PTPRN2: variants seen among roughly 807,000 people sequenced by gnomAD.
PTPRN2 encodes receptor-type tyrosine-protein phosphatase N2.
PTPRN2 carries 74 observed loss-of-function variants against 118.8 expected under a neutral mutation model. The observed-to-expected ratio is 0.62, with a 90% CI of 0.52 to 0.76. The LOEUF (loss-of-function observed/expected upper bound fraction) is 0.76. Among genes scored for constraint, PTPRN2 ranks in the 30% least tolerant of loss-of-function variants. The probability of loss-of-function intolerance (pLI) is 0.00; values close to 1 mark genes in which losing one functional copy is unlikely to be tolerated. For synonymous variants in PTPRN2, 641 were observed against 608.0 expected, an observed-to-expected ratio of 1.05 and a Z score of -0.80; for missense variants, 1,481 against 1,394.4, an observed-to-expected ratio of 1.06 and a Z score of -0.99.
chr7:158,310,735 G>A (rs574186664), intron 3 of PTPRN2, among the ~76,000 whole-genome samples: 13 of 147,990 alleles, frequency 8.8e-5, no homozygotes, highest in East Asian at 2.0e-4. Context: ...CAAGTCCCAC[G>A]GAGGGCAAGC....
At chr7:158,324,000 C>T (rs1803255527) in intron 2 of PTPRN2, among the ~76,000 whole-genome samples, 1 of 152,064 alleles carries the variant, frequency 6.6e-6, no homozygotes, top group African/African-American at 2.4e-5. Flanking sequence ...CACTCATTTG[C>T]ATGCACTTGA....
intron 3 of PTPRN2, among the ~76,000 whole-genome samples, chr7:158,264,424 G>A (rs547955346): frequency 5.9e-5 from 9 of 152,134 alleles, no homozygotes; most frequent in South Asian, 2.1e-4. Context: ...TCCAAAGATC[G>A]TGCTGAGCTC....
chr7:158,333,544 A>T (rs1226767758), intron 2 of PTPRN2, among the ~76,000 whole-genome samples: 225 of 150,726 alleles, frequency 1.5e-3, no homozygotes, highest in Non-Finnish European at 2.0e-3. Flanking sequence ...CGCAGACGTC[A>T]CTCACACCCA....
At chr7:158,378,708 C>T (rs1389703494) in intron 2 of PTPRN2, among the ~76,000 whole-genome samples, 2 of 150,700 alleles carry the variant, frequency 1.3e-5, no homozygotes, top group African/African-American at 5.0e-5. Flanking sequence ...CCAGGGTCAA[C>T]ATCCAACTCA....
intron 11 of PTPRN2, among the ~76,000 whole-genome samples, chr7:157,945,659 G>A (rs768864756): frequency 6.6e-6 from 1 of 150,508 alleles, no homozygotes; most frequent in African/African-American, 2.4e-5. Context: ...AGACGATGCC[G>A]CCTCCAGCTT....
intron 1 of PTPRN2, among the ~76,000 whole-genome samples, chr7:158,547,609 G>A (rs1826371578): frequency 6.6e-6 from 1 of 152,230 alleles, no homozygotes; most frequent in Non-Finnish European, 1.5e-5. Flanking sequence ...AGGGAAAGGG[G>A]CCTGTTGGAG....
chr7:158,551,799 A>C (rs1390342864), intron 1 of PTPRN2, among the ~76,000 whole-genome samples: 7 of 4,974 alleles, frequency 1.4e-3, no homozygotes, highest in South Asian at 0.011. Context: ...CTAACCCATC[A>C]CATCAGGGGT....
intron 1 of PTPRN2, among the ~76,000 whole-genome samples, chr7:158,581,309 G>T (rs1247758685): frequency 6.6e-6 from 1 of 152,104 alleles, no homozygotes; most frequent in Non-Finnish European, 1.5e-5. Flanking sequence ...TACCTATGCG[G>T]GTTATTCTGG....
chr7:157,658,220 C>A (rs1474897226), intron 13 of PTPRN2, among the ~76,000 whole-genome samples: 13 of 152,140 alleles, frequency 8.5e-5, no homozygotes, highest in African/African-American at 2.7e-4. Flanking sequence ...GACTGAGATA[C>A]AGAAACTGGT....
chr7:158,532,053 TTGCCACAG>T (rs1383231314), intron 1 of PTPRN2, among the ~76,000 whole-genome samples: 2 of 152,224 alleles, frequency 1.3e-5, no homozygotes, highest in Non-Finnish European at 2.9e-5. Flanking sequence ...GAATAGGTTT[TTGCCACAG>T]TGAAAACTGA....
chr7:158,345,088 G>C (rs545695866), intron 2 of PTPRN2, among the ~76,000 whole-genome samples: 2 of 152,316 alleles, frequency 1.3e-5, no homozygotes, highest in South Asian at 4.1e-4. Flanking sequence ...CTCCATCTCT[G>C]AGGGTGGACC....
chr7:157,595,589 CT>C (rs1801273756), intron 16 of PTPRN2, among the ~76,000 whole-genome samples: 1 of 113,826 alleles, frequency 8.8e-6, no homozygotes, highest in Admixed American at 8.2e-5. Flanking sequence ...GTTAGGAAGC[CT>C]GGTGTTTAGG....
At chr7:158,321,350 A>G (rs1803000637) in intron 2 of PTPRN2, among the ~76,000 whole-genome samples, 1 of 152,186 alleles carries the variant, frequency 6.6e-6, no homozygotes, top group African/African-American at 2.4e-5. Flanking sequence ...GGACACAGCC[A>G]GGACCCCACC....
chr7:157,873,320 G>T (rs576048654), intron 12 of PTPRN2, among the ~76,000 whole-genome samples: 2 of 152,264 alleles, frequency 1.3e-5, no homozygotes, highest in African/African-American at 4.8e-5. Context: ...GCCTGACCTC[G>T]TCTGAGGCTC....
chr7:157,544,021 A>G (rs764757753), intron 22 of PTPRN2, among the ~76,000 whole-genome samples: 10 of 143,946 alleles, frequency 6.9e-5, no homozygotes, highest in South Asian at 2.1e-4. Flanking sequence ...GGAGAGAGAC[A>G]GAGAGAGGTG....
intron 12 of PTPRN2, among the ~76,000 whole-genome samples, chr7:157,704,525 C>A (rs2150871942): frequency 6.6e-6 from 1 of 152,300 alleles, no homozygotes; most frequent in Non-Finnish European, 1.5e-5. Context: ...CCTGAAGGTC[C>A]CACCCTCGGC....
intron 2 of PTPRN2, among the ~76,000 whole-genome samples, chr7:158,337,569 A>AGAG (rs1805907091): frequency 7.1e-6 from 1 of 140,136 alleles, no homozygotes; most frequent in African/African-American, 2.7e-5. Flanking sequence ...TCTCACCATA[A>AGAG]TTGGTGACAC....
intron 12 of PTPRN2, among the ~76,000 whole-genome samples, chr7:157,774,598 G>A (rs745978980): frequency 1.4e-4 from 22 of 152,350 alleles, no homozygotes; most frequent in Middle Eastern, 3.4e-3. Context: ...GACAGTGTGC[G>A]TGGAGGGTGA....
At chr7:157,799,809 C>A (rs1277129749) in intron 12 of PTPRN2, among the ~76,000 whole-genome samples, 1 of 122,572 alleles carries the variant, frequency 8.2e-6, no homozygotes, top group Non-Finnish European at 1.8e-5. Context: ...TACCCCGTCC[C>A]TCAGAGGCAC....
Sources: gnomAD v4.1 joint callset for allele counts (sites outside exome capture counted in the v4.1 genomes callset) on GRCh38, gnomAD v4.1.1 for gene constraint, MANE v1.5 for transcripts, NCBI Gene and HGNC (gene_info 2026-07-23, HGNC 2026-07-21) for gene names.